The following UBE2G1 variants were observed in gnomAD, a reference collection of about 807,000 sequenced individuals.
UBE2G1 encodes the protein ubiquitin conjugating enzyme E2 G1.
In UBE2G1, 5 loss-of-function variants were observed where a neutral mutation model predicts 22.7. The observed-to-expected ratio is 0.22, with a 90% CI of 0.12 to 0.46. The LOEUF (loss-of-function observed/expected upper bound fraction) is 0.46, where lower values mean the gene tolerates loss of function less well. UBE2G1 is among the 20% of genes least tolerant of loss of function. The probability of loss-of-function intolerance (pLI) is 0.99; values close to 1 mark genes in which losing one functional copy is unlikely to be tolerated. For missense variants in UBE2G1, 88 were observed against 203.9 expected (o/e 0.43, Z 3.46); for synonymous variants, 74 against 67.5 (o/e 1.10, Z -0.47).
chr17:4,299,971 C>T (rs894153910), intron 2 of UBE2G1, among the ~76,000 whole-genome samples: 14 of 151,824 alleles, frequency 9.2e-5, no homozygotes, highest in African/African-American at 3.1e-4. Flanking sequence ...GGATTACAAG[C>T]GCACACCACC....
chr17:4,269,421 A>G lies in UBE2G1; in HGVS notation c.*3133T>C, dbSNP rs1312684971. On this transcript the variant is annotated 3_prime_UTR_variant, in exon 6 of 6. Transcript: ENST00000396981. ...ATGAAGCAACATTATGTCAAATTTC[A>G]AAGATGCTGAGAAGTGGCAGTACAA... is the stretch of plus-strand genomic sequence containing the variant. 1 of 158,676 alleles carries G rather than the reference A, an allele frequency of 6.3e-6. No homozygotes were observed. The highest frequency in any genetic ancestry group is 1.4e-5 in the Non-Finnish European group (1 of 72,408). 9.8% of individuals were successfully genotyped at this position (158,676 alleles called of 1,614,324 possible).
chr17:4,323,649 C>T (rs995707638), intron 1 of UBE2G1, among the ~76,000 whole-genome samples: 1 of 152,178 alleles, frequency 6.6e-6, no homozygotes, highest in Non-Finnish European at 1.5e-5. Context: ...ACCTCCTGGA[C>T]TCAGGCAATC....
chr17:4,362,436 G>A (rs1016367640), intron 1 of UBE2G1, among the ~76,000 whole-genome samples: 8 of 152,094 alleles, frequency 5.3e-5, no homozygotes, highest in African/African-American at 1.4e-4. Flanking sequence ...TGAAGGCCAC[G>A]AATGCTGCTG....
intron 5 of UBE2G1, among the ~76,000 whole-genome samples, chr17:4,282,108 A>C (rs1308295379): frequency 6.6e-6 from 1 of 152,126 alleles, no homozygotes; most frequent in East Asian, 1.9e-4. Context: ...TCTGAGATAG[A>C]GTCTTGCTCT....
chr17:4,339,709 G>A (rs1250213374), intron 1 of UBE2G1, among the ~76,000 whole-genome samples: 1 of 152,074 alleles, frequency 6.6e-6, no homozygotes, highest in African/African-American at 2.4e-5. Flanking sequence ...AAATTAGGCA[G>A]GTGGTGGCAC....
intron 1 of UBE2G1, among the ~76,000 whole-genome samples, chr17:4,362,180 C>T (rs778893146): frequency 6.6e-6 from 1 of 152,094 alleles, no homozygotes; most frequent in Non-Finnish European, 1.5e-5. Context: ...TGAATTGCCA[C>T]CGCTCAATTT....
intron 5 of UBE2G1, among the ~76,000 whole-genome samples, chr17:4,272,840 G>A (rs1184329793): frequency 6.6e-6 from 1 of 152,088 alleles, no homozygotes; most frequent in Non-Finnish European, 1.5e-5. Flanking sequence ...ACGTTCTACT[G>A]GACAGCGCTA....
intron 1 of UBE2G1, among the ~76,000 whole-genome samples, chr17:4,361,508 C>T (rs911524984): frequency 6.6e-6 from 1 of 152,168 alleles, no homozygotes; most frequent in Non-Finnish European, 1.5e-5. Flanking sequence ...GCCTGGGTGA[C>T]AGAGTGAGAC....
intron 1 of UBE2G1, chr17:4,364,493 T>G (rs1473634714): frequency 6.6e-6 from 1 of 150,516 alleles, no homozygotes; most frequent in Admixed American, 6.7e-5. Context: ...TTTCCCCGTG[T>G]TAGCCAGGAT....
chr17:4,329,985 T>C (rs1007195431), intron 1 of UBE2G1, among the ~76,000 whole-genome samples: 1 of 152,138 alleles, frequency 6.6e-6, no homozygotes, highest in African/African-American at 2.4e-5. Context: ...AAAGCTTAAG[T>C]ATCGTGCTCT....
chr17:4,288,199 G>GAA (rs1968992110), intron 4 of UBE2G1, among the ~76,000 whole-genome samples: 2 of 152,156 alleles, frequency 1.3e-5, no homozygotes, highest in Non-Finnish European at 2.9e-5. Flanking sequence ...TGAAACTTTT[G>GAA]AAAATTGAAA....
intron 1 of UBE2G1, among the ~76,000 whole-genome samples, chr17:4,330,535 C>T (rs1370940629): frequency 6.7e-6 from 1 of 149,852 alleles, no homozygotes; most frequent in African/African-American, 2.4e-5. Context: ...GTCAGGAGTT[C>T]GAGGCTAACC....
intron 4 of UBE2G1, among the ~76,000 whole-genome samples, chr17:4,288,700 T>G (rs1214673653): frequency 6.6e-6 from 1 of 152,066 alleles, no homozygotes; most frequent in East Asian, 1.9e-4. Context: ...AATTCTAAAT[T>G]TGGTGTCACA....
At chr17:4,300,956 G>C (rs1327111557) in intron 2 of UBE2G1, among the ~76,000 whole-genome samples, 2 of 151,658 alleles carry the variant, frequency 1.3e-5, no homozygotes, top group Non-Finnish European at 2.9e-5. Flanking sequence ...AAGAGAGAGA[G>C]AGATATGTAA....
At chr17:4,338,804 C>G (rs1969678852) in intron 1 of UBE2G1, among the ~76,000 whole-genome samples, 1 of 152,074 alleles carries the variant, frequency 6.6e-6, no homozygotes, top group African/African-American at 2.4e-5. Flanking sequence ...GAAAAAATGC[C>G]AGAGCTAGGC....
chr17:4,297,257 T>C, intron 2 of UBE2G1, among the ~76,000 whole-genome samples: 1 of 152,228 alleles, frequency 6.6e-6, no homozygotes. Flanking sequence ...TTTTTCCTTA[T>C]CTAGGAATAG....
At chr17:4,293,130 C>G (rs906007603) in intron 3 of UBE2G1, among the ~76,000 whole-genome samples, 8 of 152,114 alleles carry the variant, frequency 5.3e-5, no homozygotes, top group African/African-American at 1.9e-4. Context: ...AGCAACCATT[C>G]CTCAATCCCC....
chr17:4,289,199 G>C (rs377755825), intron 4 of UBE2G1, 31 bp downstream of exon 4: 227 of 1,481,390 alleles, frequency 1.5e-4, no homozygotes, highest in Non-Finnish European at 1.9e-4. Flanking sequence ...AAGGGAAAGT[G>C]AAGGGAAGGG....
intron 5 of UBE2G1, among the ~76,000 whole-genome samples, chr17:4,279,107 T>C (rs1462593730): frequency 6.6e-6 from 1 of 152,002 alleles, no homozygotes; most frequent in East Asian, 1.9e-4. Flanking sequence ...AAATCCCATC[T>C]CTACTAAAAA....
Sources: gnomAD v4.1 joint callset for allele counts (sites outside exome capture counted in the v4.1 genomes callset) on GRCh38, gnomAD v4.1.1 for gene constraint, MANE v1.5 for transcripts, NCBI Gene and HGNC (gene_info 2026-07-23, HGNC 2026-07-21) for gene names.